The following ADAMTSL1 variants were observed in gnomAD, a reference collection of about 807,000 sequenced individuals.
ADAMTSL1 encodes the protein ADAMTS like 1, also known as ADAMTS-like protein 1.
A neutral mutation model predicts 201.8 loss-of-function variants in ADAMTSL1; 126 were observed. That is an observed-to-expected ratio of 0.62 (90% CI 0.54 to 0.72). ADAMTSL1 has a LOEUF of 0.72. Among genes scored for constraint, ADAMTSL1 ranks in the 30% least tolerant of loss-of-function variants. The pLI, the probability that ADAMTSL1 is intolerant of heterozygous loss-of-function variation, is 0.00. For missense variants in ADAMTSL1, 2,679 were observed against 2,277.8 expected (o/e 1.18, Z -3.59); for synonymous variants, 1,121 against 903.4 (o/e 1.24, Z -4.32).
At chr9:18,775,697 CTAG>C (rs749611134) in intron 17 of ADAMTSL1, 43 bp from the exon 18 acceptor site, 1 of 1,594,362 alleles carries the variant, frequency 6.3e-7, no homozygotes, top group Non-Finnish European at 8.5e-7. Flanking sequence ...AAATTAGCTT[CTAG>C]TTCCCAGAAT....
chr9:18,574,143 C>A lies in ADAMTSL1; in HGVS notation c.351C>A (p.Asn117Lys), dbSNP rs200209229. 1 of 1,614,086 alleles carries A rather than the reference C, an allele frequency of 6.2e-7. No homozygotes were observed. The highest frequency in any genetic ancestry group is 1.7e-5 in the Admixed American group (1 of 60,008). ...EWLPVSNDPD[N>K]PCSLKCQAKG... ...TTCCTGTGTCTAATGACCCTGACAA[C>A]CCATGTTCACTCAAGTGCCAAGCCA... The change falls in exon 4 of 29, where the codon AAC (asparagine) becomes AAA (lysine). Residue 117 changes from asparagine (N) to lysine (K), a missense_variant. Asn to Lys is a moderately conservative substitution (Grantham distance 94, BLOSUM62 0). Coordinates refer to ENST00000380548, the MANE Select transcript of ADAMTSL1 (RefSeq NM_001040272.6).
intron 2 of ADAMTSL1, among the ~76,000 whole-genome samples, chr9:18,275,230 T>TGA (rs1442311067): frequency 6.6e-6 from 1 of 152,082 alleles, no homozygotes; most frequent in Admixed American, 6.6e-5. Flanking sequence ...AAAATGAGGG[T>TGA]GAGAGAGAGC....
chr9:18,906,766 C>T lies in ADAMTSL1; in HGVS notation c.5036C>T (p.Thr1679Ile). ...HWRVSLWTLCTATCGNYGFQS... is the reference protein window; with the variant it reads ...HWRVSLWTLCIATCGNYGFQS... ...AGAGTCAGCCTGTGGACCCTGTGCA[C>T]AGCTACCTGTGGCAACTACGGCTTC... Residue 1679 changes from threonine (T) to isoleucine (I), a missense_variant, in exon 28 of 29, where the codon ACA becomes ATA. Coordinates refer to ENST00000380548, the MANE Select transcript of ADAMTSL1 (RefSeq NM_001040272.6). The T allele has an allele frequency of 6.2e-7, 1 of 1,613,922 alleles. No individual in the cohort carries two copies. The highest frequency in any genetic ancestry group is 1.1e-5 in the South Asian group (1 of 91,088).
intron 19 of ADAMTSL1, among the ~76,000 whole-genome samples, chr9:18,789,995 A>T (rs1821929123): frequency 6.6e-6 from 1 of 152,212 alleles, no homozygotes; most frequent in Admixed American, 6.5e-5. Context: ...GCACAATAAC[A>T]TATCCCAGGT....
At chr9:18,616,818 A>G (rs1825727325) in intron 4 of ADAMTSL1, among the ~76,000 whole-genome samples, 1 of 152,298 alleles carries the variant, frequency 6.6e-6, no homozygotes, top group Non-Finnish European at 1.5e-5. Flanking sequence ...TTTATATGCT[A>G]TAAATCTTTT....
At chr9:18,434,093 G>A (rs1397560083) in intron 2 of ADAMTSL1, among the ~76,000 whole-genome samples, 1 of 152,190 alleles carries the variant, frequency 6.6e-6, no homozygotes, top group East Asian at 1.9e-4. Flanking sequence ...CATAGCTTCA[G>A]CAGCTTAGAA....
At chr9:18,319,532 C>T (rs555088610) in intron 2 of ADAMTSL1, among the ~76,000 whole-genome samples, 3 of 152,258 alleles carry the variant, frequency 2.0e-5, no homozygotes, top group South Asian at 4.2e-4. Context: ...CCCTAGATAA[C>T]TACGTAAACT....
intron 2 of ADAMTSL1, among the ~76,000 whole-genome samples, chr9:18,301,628 T>C (rs1421419628): frequency 2.0e-5 from 3 of 152,188 alleles, no homozygotes; most frequent in Non-Finnish European, 4.4e-5. Context: ...CTTATTGTAC[T>C]CTCCTCGCCT....
intron 2 of ADAMTSL1, among the ~76,000 whole-genome samples, chr9:18,307,421 C>A (rs1201690908): frequency 6.6e-6 from 1 of 151,990 alleles, no homozygotes; most frequent in East Asian, 1.9e-4. Context: ...GGGTCAAGAC[C>A]CATCGGTGTG....
intron 4 of ADAMTSL1, among the ~76,000 whole-genome samples, chr9:18,591,688 C>A (rs1280734351): frequency 6.6e-6 from 1 of 152,076 alleles, no homozygotes; most frequent in Non-Finnish European, 1.5e-5. Context: ...AATTTTAAAT[C>A]ACTGTAACTA....
At chr9:18,773,091 G>A (rs1167653323) in intron 17 of ADAMTSL1, among the ~76,000 whole-genome samples, 1 of 152,156 alleles carries the variant, frequency 6.6e-6, no homozygotes, top group Non-Finnish European at 1.5e-5. Context: ...TGGCTGAGAT[G>A]AGATGTGCAT....
intron 25 of ADAMTSL1, among the ~76,000 whole-genome samples, chr9:18,891,011 G>C (rs1328195646): frequency 6.6e-6 from 1 of 152,168 alleles, no homozygotes; most frequent in Non-Finnish European, 1.5e-5. Context: ...TGCTTCCTAA[G>C]TGGCTCTGCT....
intron 2 of ADAMTSL1, among the ~76,000 whole-genome samples, chr9:18,514,558 C>A (rs1818251395): frequency 6.6e-6 from 1 of 152,054 alleles, no homozygotes; most frequent in African/African-American, 2.4e-5. Context: ...TCTCGATCTC[C>A]TGACCTCATG....
intron 2 of ADAMTSL1, among the ~76,000 whole-genome samples, chr9:18,429,292 T>G (rs528479053): frequency 6.6e-6 from 1 of 152,190 alleles, no homozygotes; most frequent in Non-Finnish European, 1.5e-5. Flanking sequence ...TTTATAGTTT[T>G]TACCCATACT....
intron 1 of ADAMTSL1, among the ~76,000 whole-genome samples, chr9:18,114,150 C>T (rs1825148609): frequency 6.6e-6 from 1 of 152,036 alleles, no homozygotes; most frequent in Non-Finnish European, 1.5e-5. Flanking sequence ...GATCAAGTAA[C>T]AGGAAGGCTG....
chr9:18,203,044 T>A (rs73424960), intron 2 of ADAMTSL1, among the ~76,000 whole-genome samples: 300 of 152,218 alleles, frequency 2.0e-3, no homozygotes, highest in African/African-American at 6.1e-3. Context: ...AAGTGTCAGG[T>A]AGCCACCTTT....
At chr9:18,257,180 A>G (rs147151145) in intron 2 of ADAMTSL1, among the ~76,000 whole-genome samples, 2 of 152,356 alleles carry the variant, frequency 1.3e-5, no homozygotes, top group East Asian at 3.9e-4. Flanking sequence ...TCACAACACA[A>G]TTCTTTAAAT....
chr9:18,272,612 G>A (rs1314519783), intron 2 of ADAMTSL1, among the ~76,000 whole-genome samples: 1 of 152,174 alleles, frequency 6.6e-6, no homozygotes, highest in African/African-American at 2.4e-5. Flanking sequence ...AAACAGTGAA[G>A]GCAGGTTTTG....
chr9:17,969,027 A>C (rs2840774), intron 1 of ADAMTSL1, among the ~76,000 whole-genome samples: 97,318 of 151,736 alleles, frequency 0.64, 31,634 homozygotes, highest in East Asian at 0.93. Flanking sequence ...TATGATAAAA[A>C]TTTCCTCCTC....
Sources: allele counts gnomAD v4.1 joint callset (sites outside exome capture counted in the v4.1 genomes callset), GRCh38; gene constraint gnomAD v4.1.1; transcripts MANE v1.5; gene names NCBI Gene and HGNC (gene_info 2026-07-23, HGNC 2026-07-21).